LNPEP: variants seen among roughly 807,000 people sequenced by gnomAD.
LNPEP encodes leucyl-cystinyl aminopeptidase.
LNPEP carries 64 observed loss-of-function variants against 120.6 expected under a neutral mutation model. The observed-to-expected ratio is 0.53, with a 90% CI of 0.43 to 0.65. The LOEUF is 0.65. LNPEP is among the 30% of genes least tolerant of loss of function. The pLI is 0.00. For synonymous variants in LNPEP, 435 were observed against 425.4 expected, an observed-to-expected ratio of 1.02 and a Z score of -0.28; for missense variants, 1,057 against 1,200.0, an observed-to-expected ratio of 0.88 and a Z score of 1.76.
Position 97,031,899 on chromosome 5 carries a change from A to AAC in LNPEP, c.*3367_*3368insCA, listed in dbSNP as rs1213923116. 6.6e-6 allele frequency: 1 copy of AAC among 152,088 alleles called. No individual in the cohort carries two copies. The highest frequency in any genetic ancestry group is 1.5e-5 in the Non-Finnish European group (1 of 68,004). 9.4% of individuals were successfully genotyped at this position (152,088 alleles called of 1,614,324 possible). A position where few individuals can be genotyped will look rare whatever the true frequency, so the allele number is the denominator to read the frequency against. On this transcript the variant is annotated 3_prime_UTR_variant, in exon 18 of 18. Coordinates refer to ENST00000231368, the MANE Select transcript of LNPEP (RefSeq NM_005575.3). ...GACTGTCTCAAAAAACAAAAAACAA[A>AAC]AAAAAAAGAGTTAAGTGTTGATTTT...
intron 8 of LNPEP, among the ~76,000 whole-genome samples, chr5:97,002,406 G>T (rs556805470): frequency 6.4e-4 from 97 of 152,276 alleles, no homozygotes; most frequent in South Asian, 4.6e-3. Flanking sequence ...GTTACAGTAT[G>T]AAGGGAAAAG....
rs930247500 is a variant in LNPEP, at chr5:97,032,968, A to C, written c.*4435A>C. 1 of 152,174 alleles carries C rather than the reference A, an allele frequency of 6.6e-6. No individual in the cohort carries two copies. The highest frequency in any genetic ancestry group is 1.5e-5 in the Non-Finnish European group (1 of 68,032). The allele number at this position is 152,174 out of a possible 1,614,324, so 9.4% of individuals were successfully genotyped here. A position where few individuals can be genotyped will look rare whatever the true frequency, so the allele number is the denominator to read the frequency against. On this transcript the variant is annotated 3_prime_UTR_variant, in exon 18 of 18. Coordinates refer to ENST00000231368, the MANE Select transcript of LNPEP (RefSeq NM_005575.3). ...TATACTTGTTTCCTTGTATGGATGC[A>C]TATATACTTAATGAAAATTGAGGTT...
chr5:97,033,845 A>G lies in LNPEP; in HGVS notation c.*5312A>G, dbSNP rs969814471. On this transcript the variant is annotated 3_prime_UTR_variant, in exon 18 of 18. Coordinates refer to ENST00000231368, the MANE Select transcript of LNPEP (RefSeq NM_005575.3). Reference sequence around the variant, plus strand: ...CCTTCACTTGGATGTGTAGGTTCCTAATGAGCCATGGAGTTATGGATGTAT... The same window carrying G: ...CCTTCACTTGGATGTGTAGGTTCCTGATGAGCCATGGAGTTATGGATGTAT... The G allele has an allele frequency of 1.8e-4, 27 of 152,092 alleles. No homozygotes were observed. Among genetic ancestry groups the G allele is most frequent in the African/African-American group, 6.3e-4 (26 of 41,418 alleles). The allele number at this position is 152,092 out of a possible 1,614,324, so 9.4% of individuals were successfully genotyped here. A position where few individuals can be genotyped will look rare whatever the true frequency, so the allele number is the denominator to read the frequency against.
At chr5:96,997,886 GT>G in intron 7 of LNPEP, 127 bp from the exon 8 acceptor site, 1 of 600,692 alleles carries the variant, frequency 1.7e-6, no homozygotes. Flanking sequence ...ATATCCTGAA[GT>G]TTAGTGACAC....
chr5:96,952,019 C>T (rs916715770), intron 1 of LNPEP, among the ~76,000 whole-genome samples: 19 of 151,712 alleles, frequency 1.3e-4, no homozygotes, highest in Admixed American at 9.8e-4. Context: ...TTTTTTTTAT[C>T]GAGGACCCCT....
At chr5:96,989,905 G>A (rs1325445478) in intron 4 of LNPEP, among the ~76,000 whole-genome samples, 5 of 152,116 alleles carry the variant, frequency 3.3e-5, no homozygotes, top group Admixed American at 6.5e-5. Flanking sequence ...TGGACCCTTT[G>A]GTCAAAGTTC....
rs934942944 is a variant in LNPEP at position 97,027,629 on chromosome 5, G to T, written c.2865-104G>T. ...TCCTCAGTTGCAGTTCCGGGAGGAG[G>T]ATTCCACTCTGGCTTTGGCATTAAA... On this transcript the variant is annotated intron_variant, in intron 16 of 17. Coordinates refer to ENST00000231368, the MANE Select transcript of LNPEP (RefSeq NM_005575.3). 14 of 709,970 alleles carry T rather than the reference G, an allele frequency of 2.0e-5. No individual in the cohort carries two copies. The African/African-American group carries it at 2.3e-4, about 12-fold the overall frequency. The allele number at this position is 709,970 out of a possible 1,614,324, so 44.0% of individuals were successfully genotyped here. A position where few individuals can be genotyped will look rare whatever the true frequency, so the allele number is the denominator to read the frequency against.
rs909969179 is a variant in LNPEP, at chr5:97,011,011, A to T, written c.2036-2637A>T. On this transcript the variant is annotated intron_variant, in intron 11 of 17. Transcript: ENST00000231368. The stretch of plus-strand genomic sequence containing the variant: ...CTCGATGACAGTAATAATTTCAAGT[A>T]TATTCCCAGCTGTGTCCCTCCTCTT... The T allele has an allele frequency of 6.1e-6, 6 of 985,274 alleles. No individual in the cohort carries two copies. The African/African-American group carries it at 1.0e-4, about 17-fold the overall frequency. 61.0% of individuals were successfully genotyped at this position (985,274 alleles called of 1,614,324 possible). A position where few individuals can be genotyped will look rare whatever the true frequency, so the allele number is the denominator to read the frequency against.
chr5:97,007,875 A>T (rs2112648646), intron 11 of LNPEP, among the ~76,000 whole-genome samples: 1 of 152,346 alleles, frequency 6.6e-6, no homozygotes, highest in African/African-American at 2.4e-5. Context: ...GGTACATATA[A>T]CCAAATCGCC....
chr5:96,968,540 C>T (rs1460584178), intron 1 of LNPEP, among the ~76,000 whole-genome samples: 2 of 151,810 alleles, frequency 1.3e-5, no homozygotes, highest in African/African-American at 4.8e-5. Flanking sequence ...GTTCTTATAA[C>T]CTTTTTGTCT....
At chr5:97,014,412 A>T (rs1312504300) in intron 12 of LNPEP, among the ~76,000 whole-genome samples, 1 of 152,130 alleles carries the variant, frequency 6.6e-6, no homozygotes, top group Admixed American at 6.6e-5. Flanking sequence ...GTTTTTTATG[A>T]AGTGCCCTTC....
chr5:97,024,188 A>G (rs887549002), intron 14 of LNPEP, among the ~76,000 whole-genome samples: 1 of 152,156 alleles, frequency 6.6e-6, no homozygotes, highest in African/African-American at 2.4e-5. Context: ...CTGAATTGTA[A>G]TGCATATAGT....
intron 1 of LNPEP, among the ~76,000 whole-genome samples, chr5:96,962,162 A>G (rs1298886465): frequency 6.6e-6 from 1 of 152,184 alleles, no homozygotes; most frequent in African/African-American, 2.4e-5. Flanking sequence ...GTGACCCCCC[A>G]GCCTTCTCCA....
At position 97,028,769 on chromosome 5, in the gene LNPEP, A is replaced by G. The variant is rs567323087; in HGVS notation, c.*236A>G. ...ATTCACCTAAATGCCAACCATCTAC[A>G]AAAACAATGAGTAATTTTTCTACTT... On this transcript the variant is annotated 3_prime_UTR_variant, in exon 18 of 18. Transcript: ENST00000231368. The G allele has an allele frequency of 8.8e-5, 31 of 350,696 alleles. 1 individual carries two copies. In the South Asian group the frequency reaches 1.0e-3, roughly 12 times the overall value. 21.7% of individuals were successfully genotyped at this position (350,696 alleles called of 1,614,324 possible).
chr5:97,006,391 A>G (rs772323520), intron 10 of LNPEP, 36 bp from the exon 11 acceptor site: 4 of 1,355,538 alleles, frequency 3.0e-6, no homozygotes, highest in Non-Finnish European at 3.1e-6. Flanking sequence ...AAAAAAAATC[A>G]TATGTAACTA....
At position 97,037,196 on chromosome 5, in the gene LNPEP, G is replaced by A. The variant is rs1260502838; in HGVS notation, c.*8663G>A. 1 of 152,140 alleles carries A rather than the reference G, an allele frequency of 6.6e-6. No individual in the cohort carries two copies. The highest frequency in any genetic ancestry group is 1.5e-5 in the Non-Finnish European group (1 of 68,028). 9.4% of individuals were successfully genotyped at this position (152,140 alleles called of 1,614,324 possible). On this transcript the variant is annotated 3_prime_UTR_variant, in exon 18 of 18. Coordinates refer to ENST00000231368, the MANE Select transcript of LNPEP (RefSeq NM_005575.3). ...CCTCTTTCAAATACTTTGGAAAGTA[G>A]TTACTTGGAAACTTGTAAAGGTATT...
chr5:96,999,487 G>A (rs573556871), intron 8 of LNPEP, among the ~76,000 whole-genome samples: 1 of 152,250 alleles, frequency 6.6e-6, no homozygotes, highest in Non-Finnish European at 1.5e-5. Context: ...AGTTCAGTTA[G>A]CTATATTAAA....
chr5:97,018,568 C>T (rs1446148847), intron 13 of LNPEP, among the ~76,000 whole-genome samples: 1 of 152,066 alleles, frequency 6.6e-6, no homozygotes, highest in African/African-American at 2.4e-5. Context: ...AACTTTAGCT[C>T]ACCAAGAGGG....
chr5:96,943,579 G>A (rs1386411290), intron 1 of LNPEP, among the ~76,000 whole-genome samples: 1 of 152,188 alleles, frequency 6.6e-6, no homozygotes, highest in Non-Finnish European at 1.5e-5. Flanking sequence ...GAGCCAGTGC[G>A]GCCCTGTGGC....
Sources: gnomAD v4.1 joint callset for allele counts (sites outside exome capture counted in the v4.1 genomes callset) on GRCh38, gnomAD v4.1.1 for gene constraint, MANE v1.5 for transcripts, NCBI Gene and HGNC (gene_info 2026-07-23, HGNC 2026-07-21) for gene names.